NRG3: variants seen among roughly 807,000 people sequenced by gnomAD.
NRG3 encodes neuregulin 3.
A neutral mutation model predicts 66.9 loss-of-function variants in NRG3; 31 were observed. The observed-to-expected ratio is 0.46, with a 90% CI of 0.35 to 0.63. The LOEUF is 0.63. Among genes scored for constraint, NRG3 ranks in the 20% least tolerant of loss-of-function variants. The pLI, the probability that NRG3 is intolerant of heterozygous loss-of-function variation, is 0.00. For missense variants in NRG3, 910 were observed against 878.9 expected (o/e 1.04, Z -0.45); for synonymous variants, 393 against 359.4 (o/e 1.09, Z -1.06).
intron 1 of NRG3, among the ~76,000 whole-genome samples, chr10:82,112,112 C>T (rs1475473197): frequency 6.6e-6 from 1 of 152,062 alleles, no homozygotes; most frequent in African/African-American, 2.4e-5. Flanking sequence ...GGCATGGTGG[C>T]ACATGCCTGG....
At chr10:82,587,756 A>G (rs1366712223) in intron 2 of NRG3, among the ~76,000 whole-genome samples, 1 of 152,178 alleles carries the variant, frequency 6.6e-6, no homozygotes, top group Non-Finnish European at 1.5e-5. Flanking sequence ...AAAAACATGA[A>G]TTTGAGTGAC....
chr10:82,276,034 A>T (rs1192266848), intron 1 of NRG3, among the ~76,000 whole-genome samples: 1 of 152,066 alleles, frequency 6.6e-6, no homozygotes, highest in Non-Finnish European at 1.5e-5. Context: ...ACTCATACAT[A>T]CTGTGCATAG....
intron 1 of NRG3, among the ~76,000 whole-genome samples, chr10:82,110,966 C>T (rs2067350861): frequency 6.6e-6 from 1 of 152,134 alleles, no homozygotes; most frequent in South Asian, 2.1e-4. Flanking sequence ...ACTTTGCTAA[C>T]AAAGATGTTA....
chr10:82,866,475 C>T (rs894484943), intron 4 of NRG3, among the ~76,000 whole-genome samples: 8 of 152,034 alleles, frequency 5.3e-5, no homozygotes, highest in African/African-American at 1.7e-4. Context: ...GTCTTTATAC[C>T]GGAATTGGTG....
intron 2 of NRG3, among the ~76,000 whole-genome samples, chr10:82,446,904 G>A (rs906431439): frequency 6.6e-6 from 1 of 152,160 alleles, no homozygotes; most frequent in Non-Finnish European, 1.5e-5. Flanking sequence ...CTTTAAGAAG[G>A]CAGATTTCTT....
At chr10:82,314,494 C>A (rs889198803) in intron 1 of NRG3, among the ~76,000 whole-genome samples, 3 of 152,026 alleles carry the variant, frequency 2.0e-5, no homozygotes, top group African/African-American at 7.2e-5. Flanking sequence ...TTGTTTCCAG[C>A]ATTCTGTAAC....
chr10:82,013,183 A>G (rs2061649210), intron 1 of NRG3, among the ~76,000 whole-genome samples: 1 of 152,184 alleles, frequency 6.6e-6, no homozygotes, highest in Non-Finnish European at 1.5e-5. Context: ...GAAGGCAAGG[A>G]GGAGCAATCA....
chr10:82,727,491 T>C (rs2134596637), intron 2 of NRG3, among the ~76,000 whole-genome samples: 1 of 152,310 alleles, frequency 6.6e-6, no homozygotes, highest in East Asian at 1.9e-4. Flanking sequence ...TTGGCTTCCA[T>C]GTGGTGTTGA....
chr10:82,328,434 C>T (rs541524501), intron 1 of NRG3, among the ~76,000 whole-genome samples: 1 of 152,112 alleles, frequency 6.6e-6, no homozygotes, highest in Admixed American at 6.5e-5. Flanking sequence ...TGTTTCGATA[C>T]TATGCAATGT....
chr10:82,201,064 A>G (rs2074785839), intron 1 of NRG3, among the ~76,000 whole-genome samples: 1 of 151,738 alleles, frequency 6.6e-6, no homozygotes, highest in Admixed American at 6.6e-5. Context: ...AGGTGTGGTG[A>G]CAGGCGCCTG....
chr10:82,261,462 G>A (rs1027424648), intron 1 of NRG3, among the ~76,000 whole-genome samples: 1 of 152,044 alleles, frequency 6.6e-6, no homozygotes, highest in Non-Finnish European at 1.5e-5. Context: ...ACTAATTGCC[G>A]AGACCAGCTG....
chr10:82,213,778 A>G (rs2133672634), intron 1 of NRG3, among the ~76,000 whole-genome samples: 1 of 152,326 alleles, frequency 6.6e-6, no homozygotes, highest in South Asian at 2.1e-4. Flanking sequence ...TATGTCACAT[A>G]TGCTATTTCC....
chr10:82,003,871 A>G (rs74146712), intron 1 of NRG3, among the ~76,000 whole-genome samples: 18,651 of 151,766 alleles, frequency 0.12, 1,313 homozygotes, highest in African/African-American at 0.18. Flanking sequence ...GACACCTTAG[A>G]GCTGGGTGTG....
At chr10:82,187,509 T>G (rs1174983126) in intron 1 of NRG3, among the ~76,000 whole-genome samples, 1 of 152,184 alleles carries the variant, frequency 6.6e-6, no homozygotes, top group East Asian at 1.9e-4. Context: ...AAAGTTTTCA[T>G]TATTTGTTCT....
Position 82,211,877 on chromosome 10 carries a change from A to T in NRG3, c.824-146862A>T, listed in dbSNP as rs150577258. Among the ~76,000 whole-genome samples, 303 of 152,286 alleles carry T rather than the reference A, an allele frequency of 2.0e-3. 2 individuals carry two copies. The highest frequency in any genetic ancestry group is 6.7e-3 in the African/African-American group (278 of 41,564). ...AGGGACCATAACACACCCCTATACT[A>T]GAAATGCAGTGTACTGTGTCTCCTC... On this transcript the variant is annotated intron_variant, in intron 1 of 8. Transcript: ENST00000372141.
In NRG3 at chr10:82,917,968, G is replaced by GTATATATA. The variant is rs1419038422; in HGVS notation, c.1055-33500_1055-33499insATATATAT. 3.1e-3 allele frequency among the ~76,000 whole-genome samples: 297 copies of GTATATATA among 97,164 alleles called. 1 individual carries two copies. The highest frequency in any genetic ancestry group is 9.9e-3 in the African/African-American group (264 of 26,584). 63.7% of individuals were successfully genotyped at this position (97,164 alleles called of 152,430 possible). ...TGTGGGATTGTGTGTGTGTGTGTGT[G>GTATATATA]TGTATATATATATATATATATATAT... On this transcript the variant is annotated intron_variant, in intron 4 of 8. Coordinates refer to ENST00000372141, the MANE Select transcript of NRG3 (RefSeq NM_001010848.4).
At chr10:82,918,274 G>A (rs1224166220) in intron 4 of NRG3, among the ~76,000 whole-genome samples, 1 of 152,012 alleles carries the variant, frequency 6.6e-6, no homozygotes, top group Non-Finnish European at 1.5e-5. Context: ...TGAGATCTGT[G>A]TGGAGAGAGA....
At chr10:82,408,647 A>G (rs1231583894) in intron 2 of NRG3, among the ~76,000 whole-genome samples, 1 of 147,706 alleles carries the variant, frequency 6.8e-6, no homozygotes, top group African/African-American at 2.5e-5. Flanking sequence ...ATATATATAT[A>G]TATTCTTATT....
chr10:81,905,739 T>C (rs1342974834), intron 1 of NRG3, among the ~76,000 whole-genome samples: 3 of 152,212 alleles, frequency 2.0e-5, no homozygotes, highest in Non-Finnish European at 2.9e-5. Flanking sequence ...GTTTTCTTCA[T>C]GTCCTTTGAA....
Sources: gnomAD v4.1 joint callset for allele counts (sites outside exome capture counted in the v4.1 genomes callset) on GRCh38, gnomAD v4.1.1 for gene constraint, MANE v1.5 for transcripts, NCBI Gene and HGNC (gene_info 2026-07-23, HGNC 2026-07-21) for gene names.